Variants in MDGA2 observed in about 807,000 individuals in gnomAD.
MDGA2 encodes MAM domain containing glycosylphosphatidylinositol anchor 2.
Under a neutral mutation model 117.8 loss-of-function variants are expected in MDGA2, and 40 were observed. The ratio of observed to expected loss-of-function variants is 0.34; its 90% CI spans 0.26 to 0.44. The LOEUF (loss-of-function observed/expected upper bound fraction) is 0.44. Ranked by LOEUF, MDGA2 falls within the 20% of genes least tolerant of loss-of-function variation. The pLI, the probability that MDGA2 is intolerant of heterozygous loss-of-function variation, is 1.00. For synonymous variants in MDGA2, 452 were observed against 439.0 expected, an observed-to-expected ratio of 1.03 and a Z score of -0.37; for missense variants, 1,123 against 1,250.6, an observed-to-expected ratio of 0.90 and a Z score of 1.54.
At chr14:46,960,935 T>TATATTTAATGTTTTATATATACATATAA (rs1885780468) in intron 8 of MDGA2, among the ~76,000 whole-genome samples, 1 of 140,166 alleles carries the variant, frequency 7.1e-6, no homozygotes, top group African/African-American at 2.8e-5. Context: ...TATATGTGTA[T>TATATTTAATGTTTTATATATACATATAA]GCGTATATAT....
intron 9 of MDGA2, among the ~76,000 whole-genome samples, chr14:46,948,697 T>C (rs905974382): frequency 6.6e-6 from 1 of 152,008 alleles, no homozygotes; most frequent in Non-Finnish European, 1.5e-5. Flanking sequence ...TATTTCAAGT[T>C]AGAATTGCTG....
intron 3 of MDGA2, among the ~76,000 whole-genome samples, chr14:47,185,830 A>G (rs1458291667): frequency 6.6e-6 from 1 of 151,648 alleles, no homozygotes; most frequent in Non-Finnish European, 1.5e-5. Flanking sequence ...GTAAAATTTG[A>G]TGTTTGGAAA....
chr14:47,003,103 G>T (rs1381794306), intron 8 of MDGA2, among the ~76,000 whole-genome samples: 6 of 152,044 alleles, frequency 3.9e-5, no homozygotes, highest in African/African-American at 1.4e-4. Flanking sequence ...CAGACCATAT[G>T]TACTTTTCTA....
At chr14:46,939,728 C>T (rs1566535940) in intron 9 of MDGA2, among the ~76,000 whole-genome samples, 1 of 152,128 alleles carries the variant, frequency 6.6e-6, no homozygotes, top group South Asian at 2.1e-4. Flanking sequence ...TGCAAGATGG[C>T]AATATCCTTA....
At chr14:47,389,400 G>A (rs564956964) in intron 1 of MDGA2, among the ~76,000 whole-genome samples, 9 of 152,184 alleles carry the variant, frequency 5.9e-5, no homozygotes, top group Middle Eastern at 3.4e-3. Flanking sequence ...TATATTGTGC[G>A]TGTTTCTTAG....
intron 2 of MDGA2, among the ~76,000 whole-genome samples, chr14:47,284,360 A>C (rs2139748821): frequency 6.6e-6 from 1 of 152,268 alleles, no homozygotes; most frequent in Non-Finnish European, 1.5e-5. Context: ...TCAAAACAGT[A>C]ATTGGTCAGC....
intron 1 of MDGA2, among the ~76,000 whole-genome samples, chr14:47,619,653 AG>A (rs1264790517): frequency 6.6e-6 from 1 of 152,174 alleles, no homozygotes; most frequent in Non-Finnish European, 1.5e-5. Context: ...ACAGATGAGT[AG>A]GTAATTCCCT....
chr14:47,088,760 G>T (rs924489861), intron 6 of MDGA2, among the ~76,000 whole-genome samples: 3 of 152,082 alleles, frequency 2.0e-5, no homozygotes, highest in Non-Finnish European at 4.4e-5. Context: ...TTTTAGTTAT[G>T]GGGATATTTT....
chr14:47,040,480 A>G (rs1204220047), intron 7 of MDGA2, among the ~76,000 whole-genome samples: 6 of 152,212 alleles, frequency 3.9e-5, no homozygotes, highest in Non-Finnish European at 8.8e-5. Flanking sequence ...TTCACATTTT[A>G]TAACACAAAT....
chr14:47,377,923 C>G (rs1891517376), intron 1 of MDGA2, among the ~76,000 whole-genome samples: 1 of 152,188 alleles, frequency 6.6e-6, no homozygotes, highest in East Asian at 1.9e-4. Context: ...CAAGTGGGTC[C>G]CTGACCCCTG....
chr14:46,964,401 G>T (rs1885933770), intron 8 of MDGA2, among the ~76,000 whole-genome samples: 1 of 152,162 alleles, frequency 6.6e-6, no homozygotes, highest in Admixed American at 6.5e-5. Context: ...AAAGTCAAGA[G>T]TCTGACACTA....
intron 1 of MDGA2, among the ~76,000 whole-genome samples, chr14:47,393,980 A>G (rs575035401): frequency 6.6e-6 from 1 of 152,148 alleles, no homozygotes; most frequent in Non-Finnish European, 1.5e-5. Context: ...TCAGAAGAAG[A>G]AGGACAATTA....
At chr14:47,308,887 T>C (rs1219513530) in intron 1 of MDGA2, among the ~76,000 whole-genome samples, 1 of 151,908 alleles carries the variant, frequency 6.6e-6, no homozygotes, top group Admixed American at 6.6e-5. Context: ...GGTAAATCGC[T>C]ATTTCTTTTT....
At chr14:47,315,054 G>A (rs1889763352) in intron 1 of MDGA2, among the ~76,000 whole-genome samples, 1 of 152,040 alleles carries the variant, frequency 6.6e-6, no homozygotes, top group Non-Finnish European at 1.5e-5. Flanking sequence ...ATATGGTACT[G>A]TATTTTTCAA....
At chr14:47,079,571 C>G (rs1406328993) in intron 6 of MDGA2, among the ~76,000 whole-genome samples, 1 of 151,824 alleles carries the variant, frequency 6.6e-6, no homozygotes, top group East Asian at 1.9e-4. Context: ...ATAAGAATAG[C>G]CAAATTATCC....
At chr14:47,343,128 T>C in intron 1 of MDGA2, 1 of 1,218,506 alleles carries the variant, frequency 8.2e-7, no homozygotes, top group Non-Finnish European at 1.0e-6. Context: ...AGGCACACAA[T>C]AATGAAACAG....
chr14:46,924,881 AAG>A (rs1168315030), intron 9 of MDGA2, among the ~76,000 whole-genome samples: 2 of 152,154 alleles, frequency 1.3e-5, no homozygotes, highest in African/African-American at 4.8e-5. Context: ...GCCATTTAAT[AAG>A]AGTTTGGGGA....
intron 10 of MDGA2, among the ~76,000 whole-genome samples, chr14:46,897,618 T>A (rs1180519311): frequency 9.6e-6 from 1 of 104,074 alleles, no homozygotes; most frequent in African/African-American, 3.1e-5. Flanking sequence ...TTAAAAGAAT[T>A]AATATATATA....
At chr14:47,016,696 A>T (rs949819006) in intron 8 of MDGA2, among the ~76,000 whole-genome samples, 1 of 152,076 alleles carries the variant, frequency 6.6e-6, no homozygotes, top group East Asian at 1.9e-4. Context: ...TTACCAAACA[A>T]ATTCATAATG....
Sources: gnomAD v4.1 joint callset for allele counts (sites outside exome capture counted in the v4.1 genomes callset) on GRCh38, gnomAD v4.1.1 for gene constraint, MANE v1.5 for transcripts, NCBI Gene and HGNC (gene_info 2026-07-23, HGNC 2026-07-21) for gene names.